The following ANO3 variants were observed in gnomAD, a reference collection of about 807,000 sequenced individuals.
ANO3 encodes the protein anoctamin 3.
A neutral mutation model predicts 144.8 loss-of-function variants in ANO3; 99 were observed. The ratio of observed to expected loss-of-function variants is 0.68; its 90% CI spans 0.58 to 0.81. The LOEUF is 0.81. Ranked by LOEUF, ANO3 falls within the 30% of genes least tolerant of loss-of-function variation. ANO3 has a pLI of 0.00. For missense variants in ANO3, 905 were observed against 1,202.2 expected, an observed-to-expected ratio of 0.75 and a Z score of 3.66; for synonymous variants, 414 against 392.6, an observed-to-expected ratio of 1.05 and a Z score of -0.64.
At chr11:26,209,007 A>G (rs1185649917) in intron 1 of ANO3, among the ~76,000 whole-genome samples, 1 of 151,944 alleles carries the variant, frequency 6.6e-6, no homozygotes, top group African/African-American at 2.4e-5. Flanking sequence ...TCATTTTTTA[A>G]AATTATACTT....
intron 3 of ANO3, chr11:26,460,036 C>T (rs1467646059): frequency 2.2e-6 from 1 of 446,088 alleles, no homozygotes; most frequent in African/African-American, 2.0e-5. Context: ...CACTTCCCAC[C>T]AGTCTTCATT....
chr11:26,190,796 A>G (rs992874859), intron 1 of ANO3, among the ~76,000 whole-genome samples: 1 of 152,218 alleles, frequency 6.6e-6, no homozygotes, highest in Non-Finnish European at 1.5e-5. Context: ...TGAACAGCCT[A>G]GAAGACACTT....
chr11:26,585,201 T>C (rs945633641), intron 14 of ANO3, among the ~76,000 whole-genome samples: 5 of 152,138 alleles, frequency 3.3e-5, no homozygotes, highest in African/African-American at 1.2e-4. Context: ...GTACAATGTC[T>C]ACTATGAACA....
At chr11:26,310,804 T>C (rs1363942010) in intron 1 of ANO3, among the ~76,000 whole-genome samples, 1 of 152,204 alleles carries the variant, frequency 6.6e-6, no homozygotes, top group Non-Finnish European at 1.5e-5. Flanking sequence ...TGAGTCTACC[T>C]TAGGAAAAGC....
At chr11:26,649,156 A>G (rs1025147459) in intron 24 of ANO3, among the ~76,000 whole-genome samples, 1 of 152,222 alleles carries the variant, frequency 6.6e-6, no homozygotes, top group African/African-American at 2.4e-5. Flanking sequence ...ATAAAAGGCC[A>G]TAAAAACCCT....
intron 1 of ANO3, among the ~76,000 whole-genome samples, chr11:26,191,274 A>G (rs2133902647): frequency 6.6e-6 from 1 of 151,850 alleles, no homozygotes; most frequent in African/African-American, 2.4e-5. Context: ...GCAAAACTCC[A>G]TCAAAAAAGA....
intron 1 of ANO3, among the ~76,000 whole-genome samples, chr11:26,286,871 T>C (rs1190219385): frequency 1.3e-5 from 2 of 152,064 alleles, no homozygotes; most frequent in Non-Finnish European, 2.9e-5. Context: ...TTAGAGTCGT[T>C]AGCTTTGCAC....
intron 1 of ANO3, among the ~76,000 whole-genome samples, chr11:26,423,663 T>C (rs1222962017): frequency 6.6e-6 from 1 of 152,034 alleles, no homozygotes; most frequent in Admixed American, 6.6e-5. Context: ...AAATATATTT[T>C]CGAGTTTGCC....
intron 1 of ANO3, among the ~76,000 whole-genome samples, chr11:26,300,419 TA>T (rs1388647182): frequency 6.6e-6 from 1 of 152,106 alleles, no homozygotes; most frequent in African/African-American, 2.4e-5. Context: ...TTTGCAAAGT[TA>T]AAAGGTTAAG....
chr11:26,621,458 C>T (rs1456518969), intron 17 of ANO3, among the ~76,000 whole-genome samples: 1 of 151,814 alleles, frequency 6.6e-6, no homozygotes, highest in Non-Finnish European at 1.5e-5. Context: ...TTCTGCTTGG[C>T]TCCCTCCCTC....
chr11:26,558,085 T>C (rs1169076021), intron 13 of ANO3, among the ~76,000 whole-genome samples: 1 of 152,182 alleles, frequency 6.6e-6, no homozygotes, highest in South Asian at 2.1e-4. Context: ...TCCTAAACTA[T>C]TAATGTTTAA....
chr11:26,641,780 A>C, intron 21 of ANO3, 116 bp from the exon 22 acceptor site: 1 of 1,117,958 alleles, frequency 8.9e-7, no homozygotes, highest in Non-Finnish European at 1.2e-6. Flanking sequence ...GTAAAACCAA[A>C]TACCTCCAAT....
At chr11:26,401,845 C>T (rs1283873155) in intron 1 of ANO3, among the ~76,000 whole-genome samples, 1 of 152,016 alleles carries the variant, frequency 6.6e-6, no homozygotes, top group Non-Finnish European at 1.5e-5. Context: ...CCATAGTCTA[C>T]CTCGTTAACC....
At chr11:26,304,505 G>T (rs1261677127) in intron 1 of ANO3, among the ~76,000 whole-genome samples, 1 of 152,118 alleles carries the variant, frequency 6.6e-6, no homozygotes, top group Non-Finnish European at 1.5e-5. Flanking sequence ...CACAGTTACA[G>T]TTTAATGTAT....
chr11:26,273,786 T>C (rs997560469), intron 1 of ANO3, among the ~76,000 whole-genome samples: 11 of 152,202 alleles, frequency 7.2e-5, no homozygotes, highest in African/African-American at 2.2e-4. Flanking sequence ...TGGAGATGAC[T>C]GCTTCCAAAC....
rs1348185471 is a variant in ANO3, at chr11:26,453,239, T to A, written c.313+9403T>A. On this transcript the variant is annotated intron_variant, in intron 3 of 26. Transcript: ENST00000256737. ...AATTCACACATAACAATATTAACTT[T>A]AAATGTAAATGGACTAAATGCTCCA... Among the ~76,000 whole-genome samples the A allele has an allele frequency of 3.9e-5, 6 of 152,142 alleles. No individual in the cohort carries two copies. The East Asian group carries it at 1.2e-3, about 29-fold the overall frequency.
At chr11:26,210,840 G>A (rs1312914286) in intron 1 of ANO3, among the ~76,000 whole-genome samples, 1 of 152,096 alleles carries the variant, frequency 6.6e-6, no homozygotes, top group East Asian at 1.9e-4. Flanking sequence ...TTTGTATCCT[G>A]AGAATTTGCT....
At chr11:26,226,728 G>A (rs1590203780) in intron 1 of ANO3, among the ~76,000 whole-genome samples, 1 of 151,912 alleles carries the variant, frequency 6.6e-6, no homozygotes, top group South Asian at 2.1e-4. Flanking sequence ...CTAATTTTTT[G>A]AGAACTCATT....
intron 1 of ANO3, among the ~76,000 whole-genome samples, chr11:26,393,695 A>G (rs1033113677): frequency 2.0e-5 from 3 of 152,192 alleles, no homozygotes; most frequent in African/African-American, 7.2e-5. Flanking sequence ...ATGTATAAAC[A>G]TAAGACTTCT....
Sources: allele counts gnomAD v4.1 joint callset (sites outside exome capture counted in the v4.1 genomes callset), GRCh38; gene constraint gnomAD v4.1.1; transcripts MANE v1.5; gene names NCBI Gene and HGNC (gene_info 2026-07-23, HGNC 2026-07-21).